GNAQ: variants seen among roughly 807,000 people sequenced by gnomAD.
The protein encoded by GNAQ is G protein subunit alpha q.
GNAQ carries 8 observed loss-of-function variants against 43.9 expected under a neutral mutation model. The ratio of observed to expected loss-of-function variants is 0.18; its 90% CI spans 0.11 to 0.33. The LOEUF is 0.33. Ranked by LOEUF, GNAQ falls within the 10% of genes least tolerant of loss-of-function variation. The pLI, the probability that GNAQ is intolerant of heterozygous loss-of-function variation, is 1.00. For synonymous variants in GNAQ, 155 were observed against 170.7 expected, an observed-to-expected ratio of 0.91 and a Z score of 0.71; for missense variants, 158 against 450.8, an observed-to-expected ratio of 0.35 and a Z score of 5.88.
chr9:78,030,551 A>G, intron 1 of GNAQ: 1 of 470,898 alleles, frequency 2.1e-6, no homozygotes, highest in Non-Finnish European at 4.4e-6. Flanking sequence ...GAGTCTGCCC[A>G]CCGTTCCCCC....
At chr9:77,781,361 A>G (rs575633731) in intron 5 of GNAQ, among the ~76,000 whole-genome samples, 4 of 152,024 alleles carry the variant, frequency 2.6e-5, no homozygotes, top group African/African-American at 4.8e-5. Flanking sequence ...CCTTTCCCCA[A>G]TGTATGTTCT....
intron 5 of GNAQ, among the ~76,000 whole-genome samples, chr9:77,785,821 T>C (rs1826468166): frequency 6.6e-6 from 1 of 152,154 alleles, no homozygotes. Flanking sequence ...TTGAAGCAAT[T>C]GTGAAGTACT....
chr9:77,857,617 G>C (rs1488367068), intron 2 of GNAQ, among the ~76,000 whole-genome samples: 1 of 140,054 alleles, frequency 7.1e-6, no homozygotes, highest in Non-Finnish European at 1.5e-5. Context: ...GGAGAGGAAG[G>C]TGGGGAAGAA....
intron 1 of GNAQ, among the ~76,000 whole-genome samples, chr9:77,982,142 G>A (rs1823376036): frequency 6.6e-6 from 1 of 152,182 alleles, no homozygotes; most frequent in Non-Finnish European, 1.5e-5. Flanking sequence ...TTACTGGTAA[G>A]CATTTCATAC....
At chr9:77,902,144 CTTA>C (rs1254714599) in intron 2 of GNAQ, among the ~76,000 whole-genome samples, 3 of 152,216 alleles carry the variant, frequency 2.0e-5, no homozygotes, top group Non-Finnish European at 4.4e-5. Context: ...GCCTCCACCT[CTTA>C]GCATTACATT....
At chr9:77,856,725 C>T (rs761235273) in intron 2 of GNAQ, among the ~76,000 whole-genome samples, 6 of 152,130 alleles carry the variant, frequency 3.9e-5, no homozygotes, top group Non-Finnish European at 8.8e-5. Context: ...ATATACTGTG[C>T]ATACTTTCTA....
At chr9:77,793,904 G>T (rs1826616318) in intron 5 of GNAQ, among the ~76,000 whole-genome samples, 2 of 152,032 alleles carry the variant, frequency 1.3e-5, no homozygotes, top group Admixed American at 1.3e-4. Flanking sequence ...TTCTTCAACT[G>T]CTCACTGCTT....
In GNAQ at chr9:77,997,969, C is replaced by T. The variant is rs201893253; in HGVS notation, c.136+33131G>A. On this transcript the variant is annotated intron_variant, in intron 1 of 6. Transcript: ENST00000286548. ...CTGGCGGAAAGAACTGCTATATTTC[C>T]TTAACTGAAGGCACTGACAACAGCC... Among the ~76,000 whole-genome samples the T allele has an allele frequency of 2.8e-4, 42 of 152,292 alleles. No individual in the cohort carries two copies. The East Asian group carries it at 7.5e-3, about 27-fold the overall frequency.
chr9:77,734,618 G>A (rs1825547924), intron 5 of GNAQ, among the ~76,000 whole-genome samples: 1 of 152,118 alleles, frequency 6.6e-6, no homozygotes, highest in South Asian at 2.1e-4. Flanking sequence ...AGATGCTCTT[G>A]AGTCTCAGGG....
rs1002250691 is a variant in GNAQ at position 77,716,098 on chromosome 9, T to G, written c.*5225A>C. On this transcript the variant is annotated 3_prime_UTR_variant, in exon 7 of 7. Coordinates refer to ENST00000286548, the MANE Select transcript of GNAQ (RefSeq NM_002072.5). The stretch of plus-strand genomic sequence containing the variant: ...CAGAAGGGAAAAGGTTTTTTGGTGT[T>G]TTTTTTTTTTTGAAACCATTAAACT... 1.7e-5 allele frequency: 3 copies of G among 172,714 alleles called. No individual in the cohort carries two copies. The highest frequency in any genetic ancestry group is 4.0e-4 in the South Asian group (2 of 5,000). The allele number at this position is 172,714 out of a possible 1,614,324, so 10.7% of individuals were successfully genotyped here.
chr9:77,729,404 G>A (rs1306962265), intron 5 of GNAQ, among the ~76,000 whole-genome samples: 3 of 152,006 alleles, frequency 2.0e-5, no homozygotes, highest in Non-Finnish European at 4.4e-5. Flanking sequence ...GCCTACCTTG[G>A]TAACAGAAAC....
At chr9:77,906,970 T>C (rs896895647) in intron 2 of GNAQ, among the ~76,000 whole-genome samples, 3 of 152,234 alleles carry the variant, frequency 2.0e-5, no homozygotes, top group Non-Finnish European at 4.4e-5. Context: ...GATTTTTTCC[T>C]TCTTCTTTTG....
chr9:77,906,353 T>C (rs77864982), intron 2 of GNAQ, among the ~76,000 whole-genome samples: 9,725 of 152,272 alleles, frequency 0.064, 350 homozygotes, highest in African/African-American at 0.082. Context: ...AAAACTGAGT[T>C]GGTAACGACG....
intron 2 of GNAQ, among the ~76,000 whole-genome samples, chr9:77,831,321 A>G (rs1827294319): frequency 2.6e-5 from 4 of 152,222 alleles, no homozygotes; most frequent in African/African-American, 9.6e-5. Context: ...GATGGAGTGC[A>G]TGATTTTAAA....
chr9:77,976,745 C>T (rs1157785324), intron 1 of GNAQ, among the ~76,000 whole-genome samples: 1 of 152,158 alleles, frequency 6.6e-6, no homozygotes, highest in Non-Finnish European at 1.5e-5. Flanking sequence ...TAGTTGGCAA[C>T]ATTTAAAATC....
chr9:78,011,319 T>C (rs1393266312), intron 1 of GNAQ, among the ~76,000 whole-genome samples: 3 of 151,846 alleles, frequency 2.0e-5, no homozygotes, highest in Admixed American at 6.6e-5. Context: ...CCAAGACAAA[T>C]AGGGAAGGAA....
At chr9:77,874,091 C>T (rs1459481183) in intron 2 of GNAQ, among the ~76,000 whole-genome samples, 3 of 139,390 alleles carry the variant, frequency 2.2e-5, no homozygotes, top group Non-Finnish European at 3.0e-5. Flanking sequence ...GCAACAAGAG[C>T]GAAACTCCAT....
intron 1 of GNAQ, among the ~76,000 whole-genome samples, chr9:78,000,695 C>A (rs1406199909): frequency 1.3e-5 from 2 of 152,186 alleles, no homozygotes; most frequent in Non-Finnish European, 2.9e-5. Flanking sequence ...AACGTTAACT[C>A]AAGATTATTT....
intron 4 of GNAQ, among the ~76,000 whole-genome samples, chr9:77,797,279 C>T (rs1234415231): frequency 6.6e-6 from 1 of 152,178 alleles, no homozygotes; most frequent in Non-Finnish European, 1.5e-5. Flanking sequence ...GTAATCCATC[C>T]ACCTTATCCT....
Sources: allele counts gnomAD v4.1 joint callset (sites outside exome capture counted in the v4.1 genomes callset), GRCh38; gene constraint gnomAD v4.1.1; transcripts MANE v1.5; gene names NCBI Gene and HGNC (gene_info 2026-07-23, HGNC 2026-07-21).